The following SORL1 variants were observed in gnomAD, a reference collection of about 807,000 sequenced individuals.
SORL1 encodes sortilin related receptor 1, also known as sortilin-related receptor.
Under a neutral mutation model 273.7 loss-of-function variants are expected in SORL1, and 127 were observed. The ratio of observed to expected loss-of-function variants is 0.46; its 90% confidence interval spans 0.40 to 0.54. The LOEUF (loss-of-function observed/expected upper bound fraction) is 0.54. SORL1 is among the 20% of genes least tolerant of loss of function. SORL1 has a pLI of 0.00. For synonymous variants in SORL1, 1,031 were observed against 1,067.4 expected (o/e 0.97, Z 0.66); for missense variants, 2,494 against 2,846.1 (o/e 0.88, Z 2.81).
intron 23 of SORL1, among the ~76,000 whole-genome samples, chr11:121,571,439 G>C (rs1010389181): frequency 1.3e-5 from 2 of 152,270 alleles, no homozygotes; most frequent in African/African-American, 4.8e-5. Flanking sequence ...CTGATGTCAT[G>C]TGATGAAAGT....
intron 45 of SORL1, among the ~76,000 whole-genome samples, chr11:121,623,915 T>C (rs935928674): frequency 6.6e-6 from 1 of 152,228 alleles, no homozygotes; most frequent in African/African-American, 2.4e-5. Flanking sequence ...GGAAGGAGGT[T>C]TAATTGACTC....
At position 121,550,220 on chromosome 11, in the gene SORL1, G is replaced by A. The variant is rs910858795; in HGVS notation, c.2180+132G>A. On this transcript the variant is annotated intron_variant, in intron 15 of 47. Coordinates refer to ENST00000260197, the MANE Select transcript of SORL1 (RefSeq NM_003105.6). This position sits in a 1 kb window ranked among gnomAD's most constrained non-coding sequence, Gnocchi z 5.3. ...CAAGTTAACAGCCTGCAAGTAGTTT[G>A]GGCAACATTATAAATTATGGTATTT... The A allele has an allele frequency of 7.1e-5, 64 of 902,756 alleles. No homozygotes were observed. The highest frequency in any genetic ancestry group is 3.2e-4 in the Middle Eastern group (1 of 3,088). 55.9% of individuals were successfully genotyped at this position (902,756 alleles called of 1,614,324 possible).
At chr11:121,604,068 T>C in intron 32 of SORL1, 125 bp from the exon 33 acceptor site, 1 of 1,185,414 alleles carries the variant, frequency 8.4e-7, no homozygotes. Context: ...CCACTGGTCA[T>C]TCCAGAGGTG....
At chr11:121,459,673 G>T (rs1158555306) in intron 1 of SORL1, among the ~76,000 whole-genome samples, 1 of 152,236 alleles carries the variant, frequency 6.6e-6, no homozygotes, top group East Asian at 1.9e-4. Flanking sequence ...CTTTGCTAAG[G>T]TGGAGCGCAG....
In SORL1 at chr11:121,604,340, C is replaced by T. The variant is rs368987974; in HGVS notation, c.4651+16C>T. The T allele has an allele frequency of 6.0e-5, 68 of 1,142,596 alleles. No homozygotes were observed. The highest frequency in any genetic ancestry group is 4.9e-4 in the African/African-American group (32 of 65,072). The allele number at this position is 1,142,596 out of a possible 1,614,324, so 70.8% of individuals were successfully genotyped here. ...GCCTGCAGTGGTGAGTGCCGGTCCA[C>T]GGGCTGGGCTGGGCTGGGCTGGGCT... is the stretch of plus-strand genomic sequence containing the variant. On this transcript the variant is annotated intron_variant, in intron 33 of 47. Transcript: ENST00000260197.
intron 25 of SORL1, among the ~76,000 whole-genome samples, chr11:121,579,253 C>A (rs1862979653): frequency 6.6e-6 from 1 of 152,192 alleles, no homozygotes; most frequent in South Asian, 2.1e-4. Flanking sequence ...TTCTTCCAAA[C>A]CTTTCAAGGA....
In SORL1 at chr11:121,566,967, G is replaced by A; in HGVS notation, c.3077G>A (p.Cys1026Tyr). ...TGSNACVPRP[C>Y]SLLCLPKANN... Reference sequence around the variant, plus strand: ...AGCAATGCCTGTGTGCCCAGGCCATGCAGCCTGCTGTGCCTGCCCAAGGCC... The same window carrying A: ...AGCAATGCCTGTGTGCCCAGGCCATACAGCCTGCTGTGCCTGCCCAAGGCC... Residue 1026 changes from cysteine (C) to tyrosine (Y), a missense_variant, in exon 22 of 48, where the codon TGC becomes TAC. Physicochemically the swap from Cys to Tyr is radical, Grantham distance 194. Coordinates refer to ENST00000260197, the MANE Select transcript of SORL1 (RefSeq NM_003105.6). 6.2e-7 allele frequency: 1 copy of A among 1,613,912 alleles called. No individual in the cohort carries two copies. The highest frequency in any genetic ancestry group is 1.3e-5 in the African/African-American group (1 of 75,056).
chr11:121,610,336 G>C (rs1328147840), intron 38 of SORL1: 1 of 152,146 alleles, frequency 6.6e-6, no homozygotes, highest in Non-Finnish European at 1.5e-5. Flanking sequence ...AACTGAGAGG[G>C]GTCTTTTCCT....
intron 7 of SORL1, 101 bp from the exon 8 acceptor site, chr11:121,514,051 A>C: frequency 7.6e-7 from 1 of 1,323,096 alleles, no homozygotes; most frequent in Non-Finnish European, 1.0e-6. Flanking sequence ...GCCAACATTC[A>C]TCGCTAGAAC....
chr11:121,566,509 T>A (rs887616147), intron 21 of SORL1, among the ~76,000 whole-genome samples: 1 of 152,190 alleles, frequency 6.6e-6, no homozygotes, highest in African/African-American at 2.4e-5. Flanking sequence ...CTGGCCTCCT[T>A]AAGTCTCTTT....
At chr11:121,599,557 AAACC>A (rs774785722) in intron 32 of SORL1, among the ~76,000 whole-genome samples, 62 of 152,356 alleles carry the variant, frequency 4.1e-4, no homozygotes, top group Non-Finnish European at 8.4e-4. Context: ...ATAAAAAAAT[AAACC>A]AAATAAATTC....
At chr11:121,597,241 A>G (rs1863308683) in intron 32 of SORL1, among the ~76,000 whole-genome samples, 1 of 152,174 alleles carries the variant, frequency 6.6e-6, no homozygotes, top group Admixed American at 6.5e-5. Flanking sequence ...GTTGTTCTCC[A>G]CAGGGTGCCC....
At chr11:121,506,242 G>A (rs1231876930) in intron 6 of SORL1, among the ~76,000 whole-genome samples, 1 of 151,850 alleles carries the variant, frequency 6.6e-6, no homozygotes, top group African/African-American at 2.4e-5. Flanking sequence ...ATTCTATTTT[G>A]CCTATTATTA....
chr11:121,547,308 A>G (rs1014909298), intron 14 of SORL1, among the ~76,000 whole-genome samples: 4 of 145,684 alleles, frequency 2.7e-5, no homozygotes, highest in Admixed American at 2.1e-4. Context: ...AAAAATAGGT[A>G]AGAAAGTCTA....
chr11:121,496,938 T>C lies in SORL1; in HGVS notation c.828T>C (p.Thr276=), dbSNP rs1355143798. Residue 276 remains threonine, a synonymous_variant, in exon 6 of 48, where the codon ACT becomes ACC. Transcript: ENST00000260197. ...IERHEPSGYS[T]VFRSTDFFQS... ...GACATGAACCCTCTGGCTACTCCAC[T>C]GTCTTCCGAAGTACAGATTTCTTCC... The C allele has an allele frequency of 6.2e-7, 1 of 1,614,056 alleles. No homozygotes were observed. Among genetic ancestry groups the C allele is most frequent in the Non-Finnish European group, 8.5e-7 (1 of 1,179,940 alleles).
At chr11:121,551,940 G>A (rs1382420808) in intron 16 of SORL1, among the ~76,000 whole-genome samples, 1 of 152,248 alleles carries the variant, frequency 6.6e-6, no homozygotes, top group Non-Finnish European at 1.5e-5. Context: ...TAGGGTTTGA[G>A]TGATTGCTCT....
At chr11:121,474,820 G>A (rs533391240) in intron 2 of SORL1, among the ~76,000 whole-genome samples, 1 of 152,386 alleles carries the variant, frequency 6.6e-6, no homozygotes, top group Non-Finnish European at 1.5e-5. Flanking sequence ...TCGGGGTGGA[G>A]CCACCAATCC....
Position 121,555,199 on chromosome 11 carries a change from A to G in SORL1, c.2452A>G (p.Asn818Asp). ...TTTCTCTCTTAAGCGCCTCTGTTTG[A>G]ATGGAAGCACAGGGCAAGAGGTGAT... ...ALDVIQRLCL[N>D]GSTGQEVIIN... The change falls in exon 18 of 48, where the codon AAT (asparagine) becomes GAT (aspartate). Residue 818 changes from asparagine to aspartate, a missense_variant. Transcript: ENST00000260197. 1 of 1,613,456 alleles carries G rather than the reference A, an allele frequency of 6.2e-7. No homozygotes were observed. Among genetic ancestry groups the G allele is most frequent in the Non-Finnish European group, 8.5e-7 (1 of 1,179,560 alleles).
chr11:121,537,455 A>AT lies in SORL1; in HGVS notation c.1685+4904dup, dbSNP rs566475234. ...ACCTGGGATGATGGGAGAAGTGATT[A>AT]TACCGCTCATAGAAAGGCAGAGGTA... On this transcript the variant is annotated intron_variant, in intron 12 of 47. Transcript: ENST00000260197. 4.6e-3 allele frequency among the ~76,000 whole-genome samples: 706 copies of AT among 152,274 alleles called. 6 individuals carry two copies. Among genetic ancestry groups the AT allele is most frequent in the African/African-American group, 0.016 (669 of 41,552 alleles).
Sources: allele counts gnomAD v4.1 joint callset (sites outside exome capture counted in the v4.1 genomes callset), GRCh38; gene constraint gnomAD v4.1.1; non-coding constraint Gnocchi (gnomAD v3.1); transcripts MANE v1.5; gene names NCBI Gene and HGNC (gene_info 2026-07-23, HGNC 2026-07-21).